TACC2: variants seen among roughly 807,000 people sequenced by gnomAD.
The protein encoded by TACC2 is transforming acidic coiled-coil-containing protein 2.
TACC2 carries 137 observed loss-of-function variants against 227.3 expected under a neutral mutation model. The observed-to-expected ratio is 0.60, with a 90% CI of 0.52 to 0.69. TACC2 has a LOEUF of 0.69. TACC2 is among the 30% of genes least tolerant of loss of function. The probability of loss-of-function intolerance (pLI) is 0.00; values close to 1 mark genes in which losing one functional copy is unlikely to be tolerated. For synonymous variants in TACC2, 1,523 were observed against 1,487.5 expected, an observed-to-expected ratio of 1.02 and a Z score of -0.55; for missense variants, 3,470 against 3,694.4, an observed-to-expected ratio of 0.94 and a Z score of 1.57.
intron 11 of TACC2, among the ~76,000 whole-genome samples, chr10:122,218,220 C>T (rs1472655686): frequency 3.3e-5 from 5 of 152,210 alleles, no homozygotes; most frequent in Non-Finnish European, 7.4e-5. Context: ...TGGGATTACA[C>T]GTGTGAGCCA....
intron 1 of TACC2, among the ~76,000 whole-genome samples, chr10:122,016,982 A>G (rs1214180491): frequency 6.6e-6 from 1 of 152,170 alleles, no homozygotes; most frequent in East Asian, 1.9e-4. Flanking sequence ...ACATGGGGAG[A>G]AGACTGCCAT....
At chr10:122,049,612 G>A (rs1333329677) in intron 2 of TACC2, among the ~76,000 whole-genome samples, 1 of 152,146 alleles carries the variant, frequency 6.6e-6, no homozygotes, top group African/African-American at 2.4e-5. Flanking sequence ...CGCCGCTGGG[G>A]AAACAAAATG....
At chr10:122,129,549 T>C (rs996589077) in intron 5 of TACC2, among the ~76,000 whole-genome samples, 3 of 152,200 alleles carry the variant, frequency 2.0e-5, no homozygotes, top group Admixed American at 2.0e-4. Context: ...ACCATGGCTG[T>C]GTCAAAGGAA....
chr10:122,237,343 G>GATTACAC, intron 16 of TACC2, 52 bp from the exon 17 acceptor site: 1 of 1,545,506 alleles, frequency 6.5e-7, no homozygotes, highest in South Asian at 1.2e-5. Flanking sequence ...AATCCTCTTT[G>GATTACAC]TCGTATGATT....
Position 122,083,329 on chromosome 10 carries a change from A to G in TACC2, c.829A>G (p.Ile277Val). Residue 277 changes from isoleucine (I) to valine (V), a missense_variant, in exon 4 of 23, where the codon ATC becomes GTC. Transcript: ENST00000369005. The part of the protein sequence containing the change: ...EKSPLKPMAP[I>V]PQDPAPRASD... ...GTCCCCCCTAAAACCCATGGCCCCG[A>G]TCCCACAAGATCCAGCCCCAAGAGC... 2 of 1,613,954 alleles carry G rather than the reference A, an allele frequency of 1.2e-6. No individual in the cohort carries two copies.
intron 6 of TACC2, among the ~76,000 whole-genome samples, chr10:122,142,711 T>A (rs1215533368): frequency 6.6e-6 from 1 of 152,194 alleles, no homozygotes; most frequent in Non-Finnish European, 1.5e-5. Flanking sequence ...TTTCAGGCCG[T>A]CTGTGCTGAG....
intron 1 of TACC2, among the ~76,000 whole-genome samples, chr10:122,019,224 G>T (rs1301404230): frequency 6.6e-6 from 1 of 152,214 alleles, no homozygotes; most frequent in African/African-American, 2.4e-5. Context: ...TACTTTTTAT[G>T]ACCTCACTTG....
rs760776569 is a variant in TACC2 at position 122,083,108 on chromosome 10, T to C, written c.608T>C (p.Val203Ala). The stretch of plus-strand genomic sequence containing the variant: ...GACCAGTCACCTGGAATGTCGCCAG[T>C]ACCCCTCAGAGAGCCAATGAAGGCA... ...GIDQSPGMSP[V>A]PLREPMKAPL... Residue 203 changes from valine to alanine, a missense_variant, in exon 4 of 23, where the codon GTA becomes GCA. This residue lies in a region of TACC2 where 405 missense variants were observed against 389.6 expected (regional missense o/e 1.04). Coordinates refer to ENST00000369005, the MANE Select transcript of TACC2 (RefSeq NM_206862.4). 1.9e-6 allele frequency: 3 copies of C among 1,612,986 alleles called. No individual in the cohort carries two copies. The highest frequency in any genetic ancestry group is 1.7e-6 in the Non-Finnish European group (2 of 1,180,010).
chr10:122,021,242 C>CGG (rs201350055), intron 1 of TACC2, among the ~76,000 whole-genome samples: 2 of 148,444 alleles, frequency 1.3e-5, no homozygotes, highest in African/African-American at 5.0e-5. Flanking sequence ...AAAAAAAAGG[C>CGG]GGGGGGGAAG....
At chr10:122,021,238 A>AAAGG (rs1455785693) in intron 1 of TACC2, among the ~76,000 whole-genome samples, 2 of 144,130 alleles carry the variant, frequency 1.4e-5, no homozygotes, top group African/African-American at 5.6e-5. Flanking sequence ...CGAAAAAAAA[A>AAAGG]AGGCGGGGGG....
intron 2 of TACC2, among the ~76,000 whole-genome samples, chr10:122,028,084 C>CTTTTTTTTTTTTTTTTTTTTTTT (rs59135261): frequency 4.4e-5 from 4 of 91,744 alleles, no homozygotes; most frequent in African/African-American, 9.6e-5. Context: ...TTCTTTCTTT[C>CTTTTTTTTTTTTTTTTTTTTTTT]TTTTTTTTTT....
chr10:122,199,467 C>T (rs778700711), intron 8 of TACC2, among the ~76,000 whole-genome samples: 6 of 152,208 alleles, frequency 3.9e-5, no homozygotes, highest in Non-Finnish European at 7.3e-5. Flanking sequence ...CCTGTAGCCA[C>T]GGGAGACTTC....
chr10:122,169,239 G>T (rs148017768), intron 7 of TACC2, among the ~76,000 whole-genome samples: 4 of 152,366 alleles, frequency 2.6e-5, no homozygotes, highest in South Asian at 2.1e-4. Flanking sequence ...TTGAAGCCAG[G>T]AGTGAAAAGC....
chr10:121,989,827 G>A (rs1345694701), intron 1 of TACC2, among the ~76,000 whole-genome samples: 1 of 151,372 alleles, frequency 6.6e-6, no homozygotes, highest in Admixed American at 6.6e-5. Context: ...GCATGATCAT[G>A]GCTCACTGTA....
At chr10:122,217,072 A>T (rs1593469259) in intron 11 of TACC2, among the ~76,000 whole-genome samples, 2 of 151,846 alleles carry the variant, frequency 1.3e-5, no homozygotes, top group South Asian at 2.1e-4. Context: ...CTCTAACTCC[A>T]CCTCAGGACT....
intron 7 of TACC2, among the ~76,000 whole-genome samples, chr10:122,186,140 G>A (rs2094182107): frequency 6.6e-6 from 1 of 152,068 alleles, no homozygotes; most frequent in Non-Finnish European, 1.5e-5. Flanking sequence ...TGTTGGCCTG[G>A]CTGGTCTCAA....
intron 1 of TACC2, among the ~76,000 whole-genome samples, chr10:122,013,391 C>T (rs75906629): frequency 0.012 from 1,809 of 152,268 alleles, 40 homozygotes; most frequent in African/African-American, 0.038. Context: ...TCCTGGGCTA[C>T]GGCTGTTTGT....
chr10:122,174,115 T>C (rs932207159), intron 7 of TACC2, among the ~76,000 whole-genome samples: 15 of 152,232 alleles, frequency 9.9e-5, no homozygotes, highest in African/African-American at 3.4e-4. Context: ...TGATTGTAGT[T>C]TCTCCATTTC....
intron 7 of TACC2, among the ~76,000 whole-genome samples, chr10:122,193,516 C>T (rs2094474918): frequency 2.6e-5 from 4 of 152,116 alleles, no homozygotes; most frequent in Admixed American, 6.6e-5. Context: ...TTGCACGGCT[C>T]GGTGACACCG....
Sources: gnomAD v4.1 joint callset for allele counts (sites outside exome capture counted in the v4.1 genomes callset) on GRCh38, gnomAD v4.1.1 for gene constraint, gnomAD v4.1.1 regional missense constraint, MANE v1.5 for transcripts, NCBI Gene and HGNC (gene_info 2026-07-23, HGNC 2026-07-21) for gene names.